Variants in THSD7A observed in about 807,000 individuals in gnomAD.
The protein encoded by THSD7A is thrombospondin type 1 domain containing 7A.
Under a neutral mutation model 231.3 loss-of-function variants are expected in THSD7A, and 96 were observed. The ratio of observed to expected loss-of-function variants is 0.41; its 90% confidence interval spans 0.35 to 0.49. The LOEUF is 0.49. Ranked by LOEUF, THSD7A falls within the 20% of genes least tolerant of loss-of-function variation. The probability of loss-of-function intolerance (pLI) is 0.05; values close to 1 mark genes in which losing one functional copy is unlikely to be tolerated. For synonymous variants in THSD7A, 940 were observed against 743.3 expected (o/e 1.26, Z -4.30); for missense variants, 2,290 against 2,070.2 (o/e 1.11, Z -2.06).
intron 1 of THSD7A, among the ~76,000 whole-genome samples, chr7:11,730,937 T>C (rs1781707683): frequency 2.0e-5 from 3 of 151,664 alleles, no homozygotes. Context: ...CAATTTCAGT[T>C]AGCTACTCTA....
chr7:11,689,436 T>C (rs1180324213), intron 1 of THSD7A, among the ~76,000 whole-genome samples: 1 of 151,840 alleles, frequency 6.6e-6, no homozygotes, highest in Non-Finnish European at 1.5e-5. Context: ...CTTGGCCTTG[T>C]CATATTCTAC....
chr7:11,679,084 C>A (rs1435925822), intron 1 of THSD7A, among the ~76,000 whole-genome samples: 1 of 152,114 alleles, frequency 6.6e-6, no homozygotes, highest in Non-Finnish European at 1.5e-5. Flanking sequence ...ATAAACAGAA[C>A]CAATGACAAA....
Position 11,538,711 on chromosome 7 carries a change from C to T in THSD7A, c.1822+2708G>A, listed in dbSNP as rs74701753. Reference sequence around the variant, plus strand: ...TTTATCTCTTTTTGGAGAGTCTAATCGTCTTTTGTGCTCTCTTTTGTCTTG... The same window carrying T: ...TTTATCTCTTTTTGGAGAGTCTAATTGTCTTTTGTGCTCTCTTTTGTCTTG... On this transcript the variant is annotated intron_variant, in intron 6 of 27. Transcript: ENST00000423059. Among the ~76,000 whole-genome samples the T allele has an allele frequency of 6.4e-4, 97 of 152,154 alleles. 3 individuals carry two copies. In the East Asian group the frequency reaches 0.018, roughly 28 times the overall value.
chr7:11,825,233 A>G (rs1219931960), intron 1 of THSD7A, among the ~76,000 whole-genome samples: 5 of 152,136 alleles, frequency 3.3e-5, no homozygotes, highest in Non-Finnish European at 7.4e-5. Flanking sequence ...CGTACTTTCT[A>G]TTTATTACCT....
intron 11 of THSD7A, among the ~76,000 whole-genome samples, chr7:11,456,217 T>C (rs1352504311): frequency 2.6e-5 from 4 of 152,038 alleles, no homozygotes; most frequent in Non-Finnish European, 4.4e-5. Context: ...AGCTTTTGAG[T>C]ATAATTTATC....
In THSD7A at chr7:11,413,233, T is replaced by TATACA. The variant is rs1783845006; in HGVS notation, c.3538-438_3538-434dup. Reference sequence around the variant, plus strand: ...GACTTTCCTTTTCCTGATGCACACATATACATGCATATAAACAATTCTAAT... The same window carrying TATACA: ...GACTTTCCTTTTCCTGATGCACACATATACAATACATGCATATAAACAATTCTAAT... On this transcript the variant is annotated intron_variant, in intron 17 of 27. Transcript: ENST00000423059. 2.0e-5 allele frequency among the ~76,000 whole-genome samples: 3 copies of TATACA among 152,164 alleles called. No individual in the cohort carries two copies. In the South Asian group the frequency reaches 6.2e-4, roughly 32 times the overall value.
intron 2 of THSD7A, among the ~76,000 whole-genome samples, chr7:11,630,387 T>C (rs975998062): frequency 6.6e-6 from 1 of 152,242 alleles, no homozygotes; most frequent in Non-Finnish European, 1.5e-5. Context: ...GCTGAATTTA[T>C]ATAAAGACTT....
rs183060200 is a variant in THSD7A, at chr7:11,613,093, A to G, written c.1023-19591T>C. The stretch of plus-strand genomic sequence containing the variant: ...TAAGTTCCCTAGAATCTTTGGTAAA[A>G]TATTTGAGTGTTAGAGGTGGGAAAT... On this transcript the variant is annotated intron_variant, in intron 2 of 27. Coordinates refer to ENST00000423059, the MANE Select transcript of THSD7A (RefSeq NM_015204.3). Among the ~76,000 whole-genome samples the G allele has an allele frequency of 2.0e-5, 3 of 152,332 alleles. No individual in the cohort carries two copies. In the East Asian group the frequency reaches 5.8e-4, roughly 29 times the overall value.
chr7:11,527,380 T>C (rs1218028529), intron 6 of THSD7A, among the ~76,000 whole-genome samples: 2 of 151,980 alleles, frequency 1.3e-5, no homozygotes, highest in African/African-American at 4.8e-5. Flanking sequence ...TGAAACAAAA[T>C]TGGCCAAAAT....
chr7:11,607,606 A>G (rs577253012), intron 2 of THSD7A, among the ~76,000 whole-genome samples: 1 of 152,142 alleles, frequency 6.6e-6, no homozygotes, highest in Admixed American at 6.5e-5. Flanking sequence ...ATACAAAATT[A>G]AATTTCTTAT....
chr7:11,393,459 A>T (rs1420752983), intron 23 of THSD7A, among the ~76,000 whole-genome samples: 4 of 152,344 alleles, frequency 2.6e-5, no homozygotes, highest in Middle Eastern at 3.4e-3. Flanking sequence ...CCTCTCCTCC[A>T]AAGTATCACA....
intron 6 of THSD7A, among the ~76,000 whole-genome samples, chr7:11,492,486 G>A (rs547882448): frequency 2.6e-5 from 4 of 152,026 alleles, no homozygotes; most frequent in Non-Finnish European, 4.4e-5. Context: ...ATCTTGCCAG[G>A]ATGAGTAAGA....
At chr7:11,392,456 G>C (rs149715046) in intron 23 of THSD7A, among the ~76,000 whole-genome samples, 82 of 152,270 alleles carry the variant, frequency 5.4e-4, no homozygotes, top group African/African-American at 1.8e-3. Flanking sequence ...CTGGGTGGCT[G>C]TTTGGGCAGA....
chr7:11,608,044 T>TG (rs1780793716), intron 2 of THSD7A, among the ~76,000 whole-genome samples: 1 of 152,096 alleles, frequency 6.6e-6, no homozygotes, highest in Non-Finnish European at 1.5e-5. Context: ...AGTGAATGCT[T>TG]GCATGCAGCT....
At chr7:11,771,421 TAAATAAATAGA>T (rs1163497824) in intron 1 of THSD7A, among the ~76,000 whole-genome samples, 1 of 152,024 alleles carries the variant, frequency 6.6e-6, no homozygotes, top group African/African-American at 2.4e-5. Flanking sequence ...CATTTATAAT[TAAATAAATAGA>T]AAATAAATAA....
chr7:11,386,545 A>C (rs902341699), intron 23 of THSD7A, among the ~76,000 whole-genome samples: 29 of 152,090 alleles, frequency 1.9e-4, no homozygotes, highest in African/African-American at 7.0e-4. Flanking sequence ...TTCTTTGCTC[A>C]CTTTTTGATG....
intron 23 of THSD7A, among the ~76,000 whole-genome samples, chr7:11,397,687 A>G (rs1783240412): frequency 6.6e-6 from 1 of 152,220 alleles, no homozygotes. Context: ...CAGAATCTAC[A>G]AAGAACTTAA....
intron 27 of THSD7A, among the ~76,000 whole-genome samples, chr7:11,376,307 A>G (rs1454378064): frequency 6.6e-6 from 1 of 152,130 alleles, no homozygotes; most frequent in East Asian, 1.9e-4. Flanking sequence ...ACAGTTCACC[A>G]TATTGAGTAC....
At chr7:11,738,246 T>G (rs946219936) in intron 1 of THSD7A, among the ~76,000 whole-genome samples, 1 of 151,976 alleles carries the variant, frequency 6.6e-6, no homozygotes, top group Non-Finnish European at 1.5e-5. Context: ...ATCCAAAATC[T>G]AAAATGCTCC....
Sources: gnomAD v4.1 joint callset for allele counts (sites outside exome capture counted in the v4.1 genomes callset) on GRCh38, gnomAD v4.1.1 for gene constraint, MANE v1.5 for transcripts, NCBI Gene and HGNC (gene_info 2026-07-23, HGNC 2026-07-21) for gene names.